TNR: variants seen among roughly 807,000 people sequenced by gnomAD.
TNR encodes the protein tenascin-R.
In TNR, 45 loss-of-function variants were observed where a neutral mutation model predicts 150.4. The ratio of observed to expected loss-of-function variants is 0.30; its 90% confidence interval spans 0.24 to 0.38. The LOEUF (loss-of-function observed/expected upper bound fraction) is 0.38. TNR is among the 10% of genes least tolerant of loss of function. TNR has a pLI of 1.00. For missense variants in TNR, 1,544 were observed against 1,759.1 expected, an observed-to-expected ratio of 0.88 and a Z score of 2.19; for synonymous variants, 687 against 678.4, an observed-to-expected ratio of 1.01 and a Z score of -0.20.
chr1:175,394,763 G>A lies in TNR; in HGVS notation c.1241-868C>T, dbSNP rs1653341685. Among the ~76,000 whole-genome samples, 10 of 152,192 alleles carry A rather than the reference G, an allele frequency of 6.6e-5. No individual in the cohort carries two copies. In the South Asian group the frequency reaches 2.1e-3, roughly 31 times the overall value. ...TCTCATGCTTCTTGGTTGGAAGGCA[G>A]GGCTGACTGCAAGCCCACTTGAAGT... On this transcript the variant is annotated intron_variant, in intron 5 of 22. Transcript: ENST00000367674.
intron 18 of TNR, among the ~76,000 whole-genome samples, chr1:175,351,883 C>T (rs1651069485): frequency 6.6e-6 from 1 of 152,230 alleles, no homozygotes; most frequent in African/African-American, 2.4e-5. Flanking sequence ...TTGGGCTCTT[C>T]TGTTTTCCCC....
chr1:175,688,007 A>C (rs1226822400), intron 1 of TNR, among the ~76,000 whole-genome samples: 1 of 152,222 alleles, frequency 6.6e-6, no homozygotes, highest in East Asian at 1.9e-4. Context: ...ATAAGTTATA[A>C]ATTAAATTAG....
intron 2 of TNR, among the ~76,000 whole-genome samples, chr1:175,471,189 G>A (rs1214741563): frequency 6.6e-6 from 1 of 152,176 alleles, no homozygotes. Context: ...GCTGAGTAAT[G>A]AACTCATTTA....
At chr1:175,548,222 T>C (rs1360131362) in intron 1 of TNR, among the ~76,000 whole-genome samples, 1 of 152,148 alleles carries the variant, frequency 6.6e-6, no homozygotes, top group Non-Finnish European at 1.5e-5. Flanking sequence ...TAGAACCCCA[T>C]GTCTACAGTT....
intron 2 of TNR, among the ~76,000 whole-genome samples, chr1:175,460,992 C>A (rs1656792149): frequency 6.6e-6 from 1 of 152,228 alleles, no homozygotes; most frequent in Admixed American, 6.5e-5. Context: ...CATGTATGTG[C>A]ACACACTGAT....
chr1:175,576,758 T>A (rs1662128320), intron 1 of TNR, among the ~76,000 whole-genome samples: 1 of 152,216 alleles, frequency 6.6e-6, no homozygotes, highest in South Asian at 2.1e-4. Context: ...TCCTACTTCA[T>A]TTTTGAGACA....
At chr1:175,496,196 T>C (rs1292991067) in intron 2 of TNR, among the ~76,000 whole-genome samples, 1 of 152,192 alleles carries the variant, frequency 6.6e-6, no homozygotes, top group Non-Finnish European at 1.5e-5. Context: ...GAAAATGGTA[T>C]CTGTGTCCCT....
chr1:175,404,544 A>T (rs1653863640), intron 3 of TNR, among the ~76,000 whole-genome samples: 1 of 152,258 alleles, frequency 6.6e-6, no homozygotes, highest in Non-Finnish European at 1.5e-5. Flanking sequence ...ACCTGCTGGC[A>T]TCCTTCTTTG....
intron 2 of TNR, among the ~76,000 whole-genome samples, chr1:175,413,379 G>A (rs1654298584): frequency 6.6e-6 from 1 of 152,230 alleles, no homozygotes; most frequent in African/African-American, 2.4e-5. Context: ...TTGCCATGAG[G>A]AAGGCGTGGC....
intron 1 of TNR, among the ~76,000 whole-genome samples, chr1:175,644,392 G>A (rs999602996): frequency 2.6e-5 from 4 of 152,198 alleles, no homozygotes; most frequent in African/African-American, 9.7e-5. Flanking sequence ...AGTCTAACCA[G>A]ATTATGGCTG....
At chr1:175,395,459 T>G (rs1235800542) in intron 5 of TNR, among the ~76,000 whole-genome samples, 1 of 152,234 alleles carries the variant, frequency 6.6e-6, no homozygotes, top group Non-Finnish European at 1.5e-5. Context: ...TTACTTCTTG[T>G]TCCACTTTCT....
intron 1 of TNR, among the ~76,000 whole-genome samples, chr1:175,687,409 T>C (rs1327127927): frequency 6.6e-6 from 1 of 152,136 alleles, no homozygotes; most frequent in Non-Finnish European, 1.5e-5. Context: ...AGGCTTATTT[T>C]TCCAAATGTT....
chr1:175,384,152 G>A (rs1348212214), intron 8 of TNR, among the ~76,000 whole-genome samples: 2 of 152,196 alleles, frequency 1.3e-5, no homozygotes, highest in Admixed American at 6.5e-5. Context: ...TCAGAGCAGA[G>A]CACAAAGAAA....
At chr1:175,721,970 T>A (rs1667318619) in intron 1 of TNR, among the ~76,000 whole-genome samples, 1 of 151,900 alleles carries the variant, frequency 6.6e-6, no homozygotes, top group South Asian at 2.1e-4. Context: ...GCTGGACTGC[T>A]ACCCCAGCTG....
chr1:175,584,643 T>G (rs1352249547), intron 1 of TNR, among the ~76,000 whole-genome samples: 1 of 152,232 alleles, frequency 6.6e-6, no homozygotes, highest in East Asian at 1.9e-4. Context: ...CGCTATTTGA[T>G]GCTTAAACCT....
rs147288385 is a variant in TNR at position 175,391,000 on chromosome 1, A to T, written c.1507+288T>A. Reference sequence around the variant, plus strand: ...AGATCATTGACACCAGAGGCTGACAAATGAGTGTTCTTCATGAGTAAGATC... The same window carrying T: ...AGATCATTGACACCAGAGGCTGACATATGAGTGTTCTTCATGAGTAAGATC... On this transcript the variant is annotated intron_variant, in intron 7 of 22. Coordinates refer to ENST00000367674, the MANE Select transcript of TNR (RefSeq NM_003285.3). Among the ~76,000 whole-genome samples the T allele has an allele frequency of 3.5e-4, 54 of 152,360 alleles. 2 individuals are homozygous for T. Among genetic ancestry groups the T allele is most frequent in the African/African-American group, 1.3e-3 (53 of 41,580 alleles).
At chr1:175,633,567 A>G (rs1303780530) in intron 1 of TNR, among the ~76,000 whole-genome samples, 2 of 152,216 alleles carry the variant, frequency 1.3e-5, no homozygotes, top group Non-Finnish European at 2.9e-5. Context: ...TTAATTAAAT[A>G]TTCTGCTACC....
intron 1 of TNR, among the ~76,000 whole-genome samples, chr1:175,553,991 A>G (rs1661052739): frequency 6.6e-6 from 1 of 152,192 alleles, no homozygotes; most frequent in Admixed American, 6.6e-5. Context: ...AATGCTGATG[A>G]AAAATGGCCA....
intron 1 of TNR, among the ~76,000 whole-genome samples, chr1:175,693,442 G>A (rs1459595311): frequency 6.6e-6 from 1 of 152,170 alleles, no homozygotes; most frequent in Non-Finnish European, 1.5e-5. Flanking sequence ...GTTTGCCAGG[G>A]CCCTAGAGCC....
Sources: allele counts gnomAD v4.1 joint callset (sites outside exome capture counted in the v4.1 genomes callset), GRCh38; gene constraint gnomAD v4.1.1; transcripts MANE v1.5; gene names NCBI Gene and HGNC (gene_info 2026-07-23, HGNC 2026-07-21).